ZNF804A: variants seen among roughly 807,000 people sequenced by gnomAD.
ZNF804A encodes zinc finger protein 804A.
Under a neutral mutation model 16.5 loss-of-function variants are expected in ZNF804A, and 2 were observed. That is an observed-to-expected ratio of 0.12 (90% CI 0.05 to 0.38). The LOEUF (loss-of-function observed/expected upper bound fraction) is 0.38. ZNF804A is among the 10% of genes least tolerant of loss of function. The pLI is 0.99. For missense variants in ZNF804A, 1,473 were observed against 1,390.7 expected, an observed-to-expected ratio of 1.06 and a Z score of -0.94; for synonymous variants, 534 against 489.6, an observed-to-expected ratio of 1.09 and a Z score of -1.20.
At chr2:184,743,081 G>GT (rs1443466914) in intron 1 of ZNF804A, among the ~76,000 whole-genome samples, 2 of 152,036 alleles carry the variant, frequency 1.3e-5, no homozygotes, top group Non-Finnish European at 2.9e-5. Flanking sequence ...CAAAATTGAT[G>GT]TTTTTTGTCT....
intron 2 of ZNF804A, among the ~76,000 whole-genome samples, chr2:184,908,249 A>C (rs72907766): frequency 0.054 from 8,246 of 152,090 alleles, 297 homozygotes; most frequent in East Asian, 0.096. Flanking sequence ...TCCTTGGATC[A>C]TGGCCTCTTT....
At chr2:184,830,340 T>C (rs1160457934) in intron 1 of ZNF804A, among the ~76,000 whole-genome samples, 1 of 152,178 alleles carries the variant, frequency 6.6e-6, no homozygotes, top group Non-Finnish European at 1.5e-5. Context: ...AAACAAGTTT[T>C]AAAATATTAT....
intron 2 of ZNF804A, among the ~76,000 whole-genome samples, chr2:184,869,989 C>G (rs897287728): frequency 6.6e-6 from 1 of 151,902 alleles, no homozygotes; most frequent in Non-Finnish European, 1.5e-5. Context: ...TCACAAATTA[C>G]AGTATCTTTG....
chr2:184,732,502 G>A (rs564143068), intron 1 of ZNF804A, among the ~76,000 whole-genome samples: 3 of 151,932 alleles, frequency 2.0e-5, no homozygotes, highest in Non-Finnish European at 4.4e-5. Context: ...CTTTATTACT[G>A]TGTTGGCTAT....
Position 184,899,759 on chromosome 2 carries a change from G to A in ZNF804A, c.255+33247G>A, listed in dbSNP as rs543179156. 1.8e-4 allele frequency among the ~76,000 whole-genome samples: 27 copies of A among 151,516 alleles called. No individual in the cohort carries two copies. The South Asian group carries it at 3.8e-3, about 21-fold the overall frequency. ...TTGAATCTTATTTGTTTCTGTTTAAGGTGAATATAAATAAATCAAATAATA... is the reference window on the plus strand; with the variant it reads ...TTGAATCTTATTTGTTTCTGTTTAAAGTGAATATAAATAAATCAAATAATA... On this transcript the variant is annotated intron_variant, in intron 2 of 3. Coordinates refer to ENST00000302277, the MANE Select transcript of ZNF804A (RefSeq NM_194250.2).
At chr2:184,663,991 A>T (rs756087884) in intron 1 of ZNF804A, among the ~76,000 whole-genome samples, 3 of 152,262 alleles carry the variant, frequency 2.0e-5, no homozygotes, top group Non-Finnish European at 4.4e-5. Flanking sequence ...GAAGATAATA[A>T]GAAATAATTT....
rs149702606 is a variant in ZNF804A at position 184,927,917 on chromosome 2, G to T, written c.256-5686G>T. On this transcript the variant is annotated intron_variant, in intron 2 of 3. Coordinates refer to ENST00000302277, the MANE Select transcript of ZNF804A (RefSeq NM_194250.2). The stretch of plus-strand genomic sequence containing the variant: ...CCCAAGGCGGATCCAGAAATGCCAT[G>T]CAAAAGCCAAATCCTGGATTCAGGG... Among the ~76,000 whole-genome samples, 923 of 152,192 alleles carry T rather than the reference G, an allele frequency of 6.1e-3. 13 individuals are homozygous for T. Among genetic ancestry groups the T allele is most frequent in the African/African-American group, 0.02 (840 of 41,526 alleles).
At chr2:184,836,749 G>A (rs1695354094) in intron 1 of ZNF804A, among the ~76,000 whole-genome samples, 1 of 150,714 alleles carries the variant, frequency 6.6e-6, no homozygotes, top group Non-Finnish European at 1.5e-5. Context: ...TTTTTTAATA[G>A]TCTTTTCACA....
At chr2:184,748,577 T>G (rs1487390437) in intron 1 of ZNF804A, among the ~76,000 whole-genome samples, 1 of 151,550 alleles carries the variant, frequency 6.6e-6, no homozygotes, top group African/African-American at 2.4e-5. Context: ...CCCTACAGAT[T>G]GTCTCTTTAT....
chr2:184,765,318 C>G (rs192391932), intron 1 of ZNF804A, among the ~76,000 whole-genome samples: 1 of 152,212 alleles, frequency 6.6e-6, no homozygotes, highest in Non-Finnish European at 1.5e-5. Flanking sequence ...GAGAGCACCC[C>G]TCCTGTCGTC....
intron 1 of ZNF804A, among the ~76,000 whole-genome samples, chr2:184,852,148 C>T (rs1395432034): frequency 1.3e-5 from 2 of 151,370 alleles, no homozygotes; most frequent in Non-Finnish European, 3.0e-5. Flanking sequence ...AGGATATTTT[C>T]CAAGATCTAC....
chr2:184,927,691 A>T (rs1374576441), intron 2 of ZNF804A, among the ~76,000 whole-genome samples: 1 of 152,132 alleles, frequency 6.6e-6, no homozygotes, highest in Admixed American at 6.5e-5. Context: ...CACTCAAACC[A>T]CAAGATGTAG....
intron 1 of ZNF804A, among the ~76,000 whole-genome samples, chr2:184,826,306 T>C (rs1448159098): frequency 6.6e-6 from 1 of 152,150 alleles, no homozygotes; most frequent in Non-Finnish European, 1.5e-5. Context: ...AATGAAACAT[T>C]ATGGAATGAA....
At chr2:184,653,354 G>C (rs988527177) in intron 1 of ZNF804A, among the ~76,000 whole-genome samples, 2 of 152,136 alleles carry the variant, frequency 1.3e-5, no homozygotes, top group African/African-American at 4.8e-5. Context: ...ACTGTTAGGG[G>C]TGGTGAATTT....
chr2:184,744,306 A>G (rs1693754204), intron 1 of ZNF804A, among the ~76,000 whole-genome samples: 1 of 151,932 alleles, frequency 6.6e-6, no homozygotes, highest in Non-Finnish European at 1.5e-5. Context: ...ACATCATATT[A>G]TCATAGAATG....
chr2:184,623,521 G>A (rs1691449534), intron 1 of ZNF804A, among the ~76,000 whole-genome samples: 1 of 151,976 alleles, frequency 6.6e-6, no homozygotes, highest in Non-Finnish European at 1.5e-5. Context: ...CTATGTTAAT[G>A]GTTCCAAGAA....
chr2:184,937,977 G>A lies in ZNF804A; in HGVS notation c.2581G>A (p.Glu861Lys), dbSNP rs756277343. 2 of 1,613,872 alleles carry A rather than the reference G, an allele frequency of 1.2e-6. No individual in the cohort carries two copies. Among genetic ancestry groups the A allele is most frequent in the Admixed American group, 3.3e-5 (2 of 59,956 alleles). Residue 861 changes from glutamate to lysine, a missense_variant, in exon 4 of 4, where the codon GAA becomes AAA. Physicochemically the swap from Glu to Lys is moderately conservative, Grantham distance 56. Transcript: ENST00000302277. Reference sequence around the variant, plus strand: ...CAAAAAAGAGAAAATGAAACCACAAGAAGTTGCAAAAATCGAAAGGAACTC... The same window carrying A: ...CAAAAAAGAGAAAATGAAACCACAAAAAGTTGCAAAAATCGAAAGGAACTC... ...EDKKEKMKPQ[E>K]VAKIERNSEQ...
chr2:184,873,401 T>C (rs1048151122), intron 2 of ZNF804A, among the ~76,000 whole-genome samples: 9 of 152,148 alleles, frequency 5.9e-5, no homozygotes, highest in Admixed American at 4.6e-4. Context: ...GGTGGAAGGA[T>C]CGCTTGAGCC....
chr2:184,634,416 G>T (rs572358709), intron 1 of ZNF804A, among the ~76,000 whole-genome samples: 1 of 152,228 alleles, frequency 6.6e-6, no homozygotes, highest in South Asian at 2.1e-4. Context: ...TGTGATTAAG[G>T]ATCTTTAGAT....
Sources: allele counts gnomAD v4.1 joint callset (sites outside exome capture counted in the v4.1 genomes callset), GRCh38; gene constraint gnomAD v4.1.1; transcripts MANE v1.5; gene names NCBI Gene and HGNC (gene_info 2026-07-23, HGNC 2026-07-21).